Variants in SRCIN1 observed in about 807,000 individuals in gnomAD.
SRCIN1 encodes P130Cas-associated protein.
SRCIN1 carries 50 observed loss-of-function variants against 116.2 expected under a neutral mutation model. The observed-to-expected ratio is 0.43, with a 90% CI of 0.34 to 0.54. The LOEUF (loss-of-function observed/expected upper bound fraction) is 0.54. Ranked by LOEUF, SRCIN1 falls within the 20% of genes least tolerant of loss-of-function variation. SRCIN1 has a pLI of 0.02. For synonymous variants in SRCIN1, 736 were observed against 750.0 expected (o/e 0.98, Z 0.30); for missense variants, 1,446 against 1,672.0 (o/e 0.86, Z 2.36).
chr17:38,565,736 G>A (rs1000543439), intron 3 of SRCIN1, among the ~76,000 whole-genome samples: 5 of 152,216 alleles, frequency 3.3e-5, no homozygotes, highest in Non-Finnish European at 5.9e-5. Context: ...AGTATGCCCA[G>A]CTGTCCCCAA....
At chr17:38,540,757 G>A (rs1186185783) in intron 18 of SRCIN1, among the ~76,000 whole-genome samples, 1 of 151,412 alleles carries the variant, frequency 6.6e-6, no homozygotes, top group African/African-American at 2.5e-5. Flanking sequence ...GTGTGTGTGT[G>A]TGTGTGTGTG....
chr17:38,555,516 T>C (rs1299044221), intron 11 of SRCIN1, among the ~76,000 whole-genome samples: 1 of 152,214 alleles, frequency 6.6e-6, no homozygotes, highest in African/African-American at 2.4e-5. Flanking sequence ...TATTAAACAA[T>C]TTGGGAGCTT....
intron 3 of SRCIN1, among the ~76,000 whole-genome samples, chr17:38,565,765 G>A (rs545556754): frequency 6.6e-6 from 1 of 152,342 alleles, no homozygotes; most frequent in South Asian, 2.1e-4. Context: ...TGAGGGTTTG[G>A]GGACCATAAT....
At chr17:38,569,493 G>A (rs1000426339) in intron 2 of SRCIN1, among the ~76,000 whole-genome samples, 2 of 152,160 alleles carry the variant, frequency 1.3e-5, no homozygotes, top group African/African-American at 4.8e-5. Flanking sequence ...TGGCAGGGAG[G>A]AGTTGGAAGG....
At position 38,578,593 on chromosome 17, in the gene SRCIN1, G is replaced by A. The variant is rs367720926; in HGVS notation, c.221C>T (p.Ala74Val). 4 of 1,611,396 alleles carry A rather than the reference G, an allele frequency of 2.5e-6. No homozygotes were observed. Among genetic ancestry groups the A allele is most frequent in the African/African-American group, 2.7e-5 (2 of 74,878 alleles). The change falls in exon 2 of 19, where the codon GCG becomes GTG. Residue 74 changes from alanine to valine, a missense_variant. Physicochemically the swap from Ala to Val is moderately conservative, Grantham distance 64 (BLOSUM62 0). Transcript: ENST00000617146. ...GGCATCACGCTTGCGGTCGGCGTCC[G>A]CCTTCTGGAGCCCGCTGAGCGCCTC... ...SLEALSGLQK[A>V]DADRKRDAFM...
At chr17:38,557,462 G>C (rs997743521) in intron 11 of SRCIN1, among the ~76,000 whole-genome samples, 37 of 152,228 alleles carry the variant, frequency 2.4e-4, no homozygotes, top group Admixed American at 4.6e-4. Flanking sequence ...CCAAGAGAGG[G>C]CCCAAAGGAA....
chr17:38,536,966 C>T (rs1359248995), intron 18 of SRCIN1, among the ~76,000 whole-genome samples: 2 of 151,688 alleles, frequency 1.3e-5, no homozygotes, highest in Admixed American at 6.6e-5. Context: ...CACTTGAGGC[C>T]AGGAGTTTGA....
chr17:38,579,043 G>T (rs1597921285), intron 1 of SRCIN1, among the ~76,000 whole-genome samples: 1 of 152,216 alleles, frequency 6.6e-6, no homozygotes, highest in Non-Finnish European at 1.5e-5. Context: ...CTGTTCCTCC[G>T]TGGGTTTGGA....
At position 38,563,960 on chromosome 17, in the gene SRCIN1, A is replaced by C. The variant is rs1906476240; in HGVS notation, c.541+158T>G. ...TGGGGATGCTGAGGGCGAGAGAGAG[A>C]TGGAGAGAGCTGGGGTTGCTTGGGG... On this transcript the variant is annotated intron_variant, in intron 4 of 18. Coordinates refer to ENST00000617146, the MANE Select transcript of SRCIN1 (RefSeq NM_025248.3). The surrounding 1 kb of genome is among the most constrained non-coding windows in gnomAD (Gnocchi z 5.8). 5.1e-6 allele frequency: 4 copies of C among 789,586 alleles called. No homozygotes were observed. The African/African-American group carries it at 6.9e-5, about 14-fold the overall frequency. 48.9% of individuals were successfully genotyped at this position (789,586 alleles called of 1,614,324 possible).
chr17:38,594,867 C>G (rs964930671), intron 1 of SRCIN1, among the ~76,000 whole-genome samples: 7 of 152,126 alleles, frequency 4.6e-5, no homozygotes, highest in African/African-American at 1.4e-4. Flanking sequence ...ACACCCTCCT[C>G]CAGCCGGGCT....
chr17:38,533,306 G>A lies in SRCIN1; in HGVS notation c.3543C>T (p.Ile1181=), dbSNP rs754912450. ...GCGGGGTGAGGGGCTTCTAGAAGGAGATGGAAGAATTCCTTGCCCCAAAGG... is the reference window on the plus strand; with the variant it reads ...GCGGGGTGAGGGGCTTCTAGAAGGAAATGGAAGAATTCCTTGCCCCAAAGG... ...LTSFGARNSS[I]SF The change falls in exon 19 of 19, where the codon ATC becomes ATT. Residue 1181 remains isoleucine, a synonymous_variant. Coordinates refer to ENST00000617146, the MANE Select transcript of SRCIN1 (RefSeq NM_025248.3). The A allele has an allele frequency of 1.9e-6, 3 of 1,562,724 alleles. No homozygotes were observed. Among genetic ancestry groups the A allele is most frequent in the Non-Finnish European group, 2.6e-6 (3 of 1,151,314 alleles).
chr17:38,579,269 G>A (rs551285179), intron 1 of SRCIN1, among the ~76,000 whole-genome samples: 1 of 152,336 alleles, frequency 6.6e-6, no homozygotes, highest in South Asian at 2.1e-4. Context: ...GGGGCGGGGA[G>A]CCCTGCCTCC....
chr17:38,553,012 T>C (rs1760911798), intron 11 of SRCIN1, among the ~76,000 whole-genome samples, 157 bp from the exon 12 acceptor site: 1 of 152,194 alleles, frequency 6.6e-6, no homozygotes, highest in African/African-American at 2.4e-5. Flanking sequence ...CTCAGTACTT[T>C]GGGAGGCTGA....
In SRCIN1 at chr17:38,549,072, T is replaced by C; in HGVS notation, c.3101A>G (p.Asp1034Gly). Residue 1034 changes from aspartate to glycine, a missense_variant, in exon 16 of 19, where the codon GAC becomes GGC. Coordinates refer to ENST00000617146, the MANE Select transcript of SRCIN1 (RefSeq NM_025248.3). ...GAGTGGTACCTTGATGAAGGCCGAG[T>C]CCTTCTTGCTGGTGACCACCACCTC... is the stretch of plus-strand genomic sequence containing the variant. ...TGEVVVTSKK[D>G]SAFIKKAESE... 1 of 1,612,820 alleles carries C rather than the reference T, an allele frequency of 6.2e-7. No individual in the cohort carries two copies. The highest frequency in any genetic ancestry group is 1.7e-4 in the Middle Eastern group (1 of 6,042).
At position 38,554,159 on chromosome 17, in the gene SRCIN1, C is replaced by T. The variant is rs141356694; in HGVS notation, c.2202-1304G>A. Among the ~76,000 whole-genome samples the T allele has an allele frequency of 4.8e-4, 73 of 151,344 alleles. 1 individual carries two copies. The East Asian group carries it at 0.012, about 24-fold the overall frequency. On this transcript the variant is annotated intron_variant, in intron 11 of 18. Coordinates refer to ENST00000617146, the MANE Select transcript of SRCIN1 (RefSeq NM_025248.3). Reference sequence around the variant, plus strand: ...CCAGGAGGCGGAGGTTGCAGTGGGCCGAGATCATGCCACTGCACTCCAGCC... The same window carrying T: ...CCAGGAGGCGGAGGTTGCAGTGGGCTGAGATCATGCCACTGCACTCCAGCC...
At chr17:38,564,084 T>C in intron 4 of SRCIN1, 34 bp downstream of exon 4, 1 of 1,467,578 alleles carries the variant, frequency 6.8e-7, no homozygotes, top group Non-Finnish European at 9.0e-7. Flanking sequence ...GAGGAGCCTG[T>C]GTGGGGAGGG....
intron 1 of SRCIN1, among the ~76,000 whole-genome samples, chr17:38,594,362 T>C (rs1260341733): frequency 2.0e-5 from 3 of 152,132 alleles, no homozygotes; most frequent in Admixed American, 6.5e-5. Flanking sequence ...GCAAAGTTAT[T>C]AAAAAGCCAT....
intron 1 of SRCIN1, among the ~76,000 whole-genome samples, chr17:38,596,002 C>A (rs1038458523): frequency 6.6e-6 from 1 of 152,022 alleles, no homozygotes; most frequent in Non-Finnish European, 1.5e-5. Context: ...CATCTGACTA[C>A]GGAGAGCTGG....
intron 1 of SRCIN1, among the ~76,000 whole-genome samples, chr17:38,597,478 T>C (rs910145009): frequency 6.6e-6 from 1 of 152,240 alleles, no homozygotes; most frequent in African/African-American, 2.4e-5. Flanking sequence ...TGACTATTTA[T>C]TGAATGTCTA....
Sources: gnomAD v4.1 joint callset for allele counts (sites outside exome capture counted in the v4.1 genomes callset) on GRCh38, gnomAD v4.1.1 for gene constraint, Gnocchi (gnomAD v3.1) non-coding constraint, MANE v1.5 for transcripts, NCBI Gene and HGNC (gene_info 2026-07-23, HGNC 2026-07-21) for gene names.